Variants in NUP210L observed in about 807,000 individuals in gnomAD.
NUP210L encodes the protein nuclear pore membrane glycoprotein 210-like.
Under a neutral mutation model 208.5 loss-of-function variants are expected in NUP210L, and 74 were observed. The ratio of observed to expected loss-of-function variants is 0.35; its 90% confidence interval spans 0.29 to 0.43. The LOEUF (loss-of-function observed/expected upper bound fraction) is 0.43. Among genes scored for constraint, NUP210L ranks in the 20% least tolerant of loss-of-function variants. The pLI is 1.00. For synonymous variants in NUP210L, 780 were observed against 816.9 expected (o/e 0.95, Z 0.77); for missense variants, 1,843 against 2,289.4 (o/e 0.81, Z 3.98).
intron 17 of NUP210L, among the ~76,000 whole-genome samples, chr1:154,063,490 A>C (rs1208659357): frequency 6.6e-6 from 1 of 152,186 alleles, no homozygotes; most frequent in Non-Finnish European, 1.5e-5. Context: ...ACAACATACA[A>C]ATTTTACCCT....
chr1:154,143,201 CA>C lies in NUP210L; in HGVS notation c.472+244del, dbSNP rs34172314. On this transcript the variant is annotated intron_variant, in intron 3 of 39. Transcript: ENST00000368559. ...AAAACTCTGTTCCCCTCCCCCTGCC[CA>C]AAAAAAAAAAAAAGAAAGGAAAAGT... Among the ~76,000 whole-genome samples the C allele has an allele frequency of 2.3e-3, 287 of 123,422 alleles. 1 individual carries two copies. The highest frequency in any genetic ancestry group is 6.0e-3 in the African/African-American group (194 of 32,108). The allele number at this position is 123,422 out of a possible 152,430, so 81.0% of individuals were successfully genotyped here.
intron 5 of NUP210L, among the ~76,000 whole-genome samples, chr1:154,139,549 C>A (rs1405194520): frequency 6.6e-6 from 1 of 152,008 alleles, no homozygotes; most frequent in Non-Finnish European, 1.5e-5. Context: ...ATAACACTGG[C>A]CAGTTGTGTG....
chr1:154,002,364 G>A (rs530269380), intron 35 of NUP210L, among the ~76,000 whole-genome samples: 1 of 152,172 alleles, frequency 6.6e-6, no homozygotes, highest in South Asian at 2.1e-4. Flanking sequence ...ACAGGCATGA[G>A]CCACTGTGCC....
At chr1:154,009,210 C>T (rs532609399) in intron 35 of NUP210L, among the ~76,000 whole-genome samples, 1 of 152,092 alleles carries the variant, frequency 6.6e-6, no homozygotes, top group African/African-American at 2.4e-5. Context: ...TGCGCCTGGC[C>T]CTATACCTTA....
rs909253871 is a variant in NUP210L, at chr1:154,001,618, C to A, written c.5181+117G>T. 48 of 1,124,160 alleles carry A rather than the reference C, an allele frequency of 4.3e-5. No individual in the cohort carries two copies. The African/African-American group carries it at 7.3e-4, about 17-fold the overall frequency. 69.6% of individuals were successfully genotyped at this position (1,124,160 alleles called of 1,614,324 possible). A position where few individuals can be genotyped will look rare whatever the true frequency, so the allele number is the denominator to read the frequency against. On this transcript the variant is annotated intron_variant, in intron 36 of 39. Transcript: ENST00000368559. ...TTTTCTTCATTTGATTTTGTCATTT[C>A]CTATGGTAATTTTTATTAGGTCACT...
At chr1:154,042,762 C>T (rs966288141) in intron 27 of NUP210L, among the ~76,000 whole-genome samples, 1 of 151,738 alleles carries the variant, frequency 6.6e-6, no homozygotes, top group Non-Finnish European at 1.5e-5. Flanking sequence ...ACTCTGTTGC[C>T]CAGGCTGGAG....
intron 20 of NUP210L, 36 bp from the exon 21 acceptor site, chr1:154,058,729 A>C (rs1346438751): frequency 6.2e-7 from 1 of 1,605,812 alleles, no homozygotes; most frequent in Admixed American, 1.7e-5. Flanking sequence ...ATAAAGAAGC[A>C]AACATGCTCC....
intron 35 of NUP210L, among the ~76,000 whole-genome samples, chr1:154,007,605 C>T (rs1165942633): frequency 1.3e-5 from 2 of 151,338 alleles, no homozygotes; most frequent in African/African-American, 2.4e-5. Context: ...CAGAGTCTCA[C>T]TCTGTTGCCC....
At chr1:154,089,269 T>C (rs1379336598) in intron 16 of NUP210L, 152 bp downstream of exon 16, 11 of 670,458 alleles carry the variant, frequency 1.6e-5, no homozygotes, top group Non-Finnish European at 2.3e-5. Context: ...TGTGGAAAAC[T>C]GTATGGCAGT....
At chr1:154,146,611 A>ACCCCCCCCCCC (rs1659123226) in intron 2 of NUP210L, among the ~76,000 whole-genome samples, 1 of 82,172 alleles carries the variant, frequency 1.2e-5, no homozygotes, top group Admixed American at 1.4e-4. Flanking sequence ...GCAAGATCCC[A>ACCCCCCCCCCC]TCCCCCCTCC....
intron 33 of NUP210L, among the ~76,000 whole-genome samples, chr1:154,015,058 CTTTTA>C (rs1170250789): frequency 5.3e-5 from 8 of 151,626 alleles, no homozygotes; most frequent in Non-Finnish European, 1.2e-4. Flanking sequence ...TTTTCTTCAA[CTTTTA>C]TTTTAAGTTC....
At chr1:154,070,775 A>G (rs1203855916) in intron 16 of NUP210L, among the ~76,000 whole-genome samples, 2 of 152,228 alleles carry the variant, frequency 1.3e-5, no homozygotes, top group African/African-American at 4.8e-5. Flanking sequence ...TAACTATTTC[A>G]GCATGTATCC....
intron 8 of NUP210L, among the ~76,000 whole-genome samples, chr1:154,128,420 G>A (rs956392085): frequency 3.3e-5 from 5 of 152,202 alleles, no homozygotes; most frequent in African/African-American, 1.2e-4. Flanking sequence ...AGGAATTGGA[G>A]GCTACAGTGG....
chr1:154,062,448 A>G (rs1472269403), intron 17 of NUP210L, among the ~76,000 whole-genome samples: 1 of 150,690 alleles, frequency 6.6e-6, no homozygotes, highest in East Asian at 1.9e-4. Flanking sequence ...ATCAATCCAA[A>G]CTCCTTAAAC....
intron 7 of NUP210L, among the ~76,000 whole-genome samples, chr1:154,130,861 A>C (rs1427126616): frequency 6.6e-6 from 1 of 152,032 alleles, no homozygotes; most frequent in Non-Finnish European, 1.5e-5. Flanking sequence ...CTGGGGTTAC[A>C]TGCATGAGCC....
chr1:153,999,853 T>A (rs1283687632), intron 37 of NUP210L, among the ~76,000 whole-genome samples: 1 of 146,072 alleles, frequency 6.8e-6, no homozygotes, highest in Non-Finnish European at 1.5e-5. Flanking sequence ...TGAGACAGGG[T>A]CTTGCTCTGT....
intron 24 of NUP210L, 73 bp downstream of exon 24, chr1:154,054,697 G>GGT (rs750808455): frequency 1.8e-4 from 183 of 1,038,864 alleles, no homozygotes; most frequent in Middle Eastern, 4.1e-4. Context: ...TAGGAAGAGA[G>GGT]GTGTGTGTGT....
At chr1:154,079,181 C>T (rs1386240847) in intron 16 of NUP210L, among the ~76,000 whole-genome samples, 3 of 151,994 alleles carry the variant, frequency 2.0e-5, no homozygotes, top group Admixed American at 2.0e-4. Flanking sequence ...ATCACTTGAG[C>T]CGAAGAGTTC....
intron 37 of NUP210L, among the ~76,000 whole-genome samples, chr1:153,997,959 C>T (rs551768328): frequency 2.0e-5 from 3 of 152,050 alleles, no homozygotes; most frequent in African/African-American, 7.2e-5. Flanking sequence ...CCACCCGGCT[C>T]GGCCATCCAA....
Sources: allele counts gnomAD v4.1 joint callset (sites outside exome capture counted in the v4.1 genomes callset), GRCh38; gene constraint gnomAD v4.1.1; transcripts MANE v1.5; gene names NCBI Gene and HGNC (gene_info 2026-07-23, HGNC 2026-07-21).